MARCHF1: variants seen among roughly 807,000 people sequenced by gnomAD.
MARCHF1 encodes the protein E3 ubiquitin-protein ligase MARCHF1.
Under a neutral mutation model 54.2 loss-of-function variants are expected in MARCHF1, and 40 were observed. The ratio of observed to expected loss-of-function variants is 0.74; its 90% CI spans 0.57 to 0.96. The LOEUF (loss-of-function observed/expected upper bound fraction) is 0.96, where lower values mean the gene tolerates loss of function less well. MARCHF1 is among the 40% of genes least tolerant of loss of function. The pLI, the probability that MARCHF1 is intolerant of heterozygous loss-of-function variation, is 0.00. For synonymous variants in MARCHF1, 236 were observed against 236.3 expected (o/e 1.00, Z 0.01); for missense variants, 586 against 656.5 (o/e 0.89, Z 1.17).
intron 4 of MARCHF1, among the ~76,000 whole-genome samples, chr4:163,735,452 G>A (rs141618419): frequency 6.6e-6 from 1 of 152,128 alleles, no homozygotes; most frequent in East Asian, 1.9e-4. Context: ...GTCTTAGTTG[G>A]TTTGTGTTGC....
rs1267038404 is a variant in MARCHF1 at position 163,573,502 on chromosome 4, C to T, written c.1191+12247G>A. On this transcript the variant is annotated intron_variant, in intron 8 of 9. Coordinates refer to ENST00000514618, the MANE Select transcript of MARCHF1 (RefSeq NM_001394959.1). ...AACAGTCCCCAGAGTGTGATGTTCC[C>T]CTTCCTGTGTCCATGTGATCTCATT... is the stretch of plus-strand genomic sequence containing the variant. Among the ~76,000 whole-genome samples the T allele has an allele frequency of 5.2e-5, 7 of 134,826 alleles. No individual in the cohort carries two copies. In the South Asian group the frequency reaches 1.8e-3, roughly 35 times the overall value. 88.5% of individuals were successfully genotyped at this position (134,826 alleles called of 152,430 possible). A position where few individuals can be genotyped will look rare whatever the true frequency, so the allele number is the denominator to read the frequency against.
intron 7 of MARCHF1, among the ~76,000 whole-genome samples, chr4:163,600,393 G>T (rs928327597): frequency 2.0e-5 from 3 of 152,096 alleles, no homozygotes; most frequent in African/African-American, 4.8e-5. Flanking sequence ...AATCCTGGCA[G>T]CATTAAAAAC....
intron 4 of MARCHF1, among the ~76,000 whole-genome samples, chr4:163,708,171 T>C (rs763411053): frequency 6.6e-6 from 1 of 151,776 alleles, no homozygotes; most frequent in East Asian, 1.9e-4. Context: ...TTGTACTCTT[T>C]TGAAGACCAG....
chr4:164,324,542 T>G (rs1260959513), intron 1 of MARCHF1, among the ~76,000 whole-genome samples: 1 of 151,534 alleles, frequency 6.6e-6, no homozygotes, highest in Non-Finnish European at 1.5e-5. Flanking sequence ...TAAAAATCTC[T>G]ATACTCAATG....
chr4:164,360,439 G>T (rs532840531), intron 1 of MARCHF1, among the ~76,000 whole-genome samples: 1 of 151,976 alleles, frequency 6.6e-6, no homozygotes, highest in Non-Finnish European at 1.5e-5. Context: ...AGGGAGAAGT[G>T]GTTGGGAGAA....
At chr4:164,352,645 C>G (rs1036155732) in intron 1 of MARCHF1, among the ~76,000 whole-genome samples, 1 of 150,516 alleles carries the variant, frequency 6.6e-6, no homozygotes, top group Admixed American at 6.6e-5. Context: ...CGGTACCAGC[C>G]GCTGCAAAAT....
rs1459414749 is a variant in MARCHF1 at position 164,326,991 on chromosome 4, GTGTGTGTGTA to G, written c.-323+56869_-323+56878del. 3.3e-3 allele frequency among the ~76,000 whole-genome samples: 500 copies of G among 151,560 alleles called. 5 individuals carry two copies. The highest frequency in any genetic ancestry group is 0.012 in the African/African-American group (478 of 41,292). On this transcript the variant is annotated intron_variant, in intron 1 of 9. Coordinates refer to ENST00000514618, the MANE Select transcript of MARCHF1 (RefSeq NM_001394959.1). ...TGTGTGTGTGTGTGTGTGTGTGTGT[GTGTGTGTGTA>G]TGACTTAGAACAATCACTGGCAACA...
chr4:163,629,185 CATGGT>C (rs1741980218), intron 5 of MARCHF1, among the ~76,000 whole-genome samples: 1 of 152,164 alleles, frequency 6.6e-6, no homozygotes, highest in East Asian at 1.9e-4. Context: ...ACCAAAACAG[CATGGT>C]ACTGGTACCA....
chr4:164,303,763 A>G (rs1734625788), intron 1 of MARCHF1, among the ~76,000 whole-genome samples: 1 of 151,672 alleles, frequency 6.6e-6, no homozygotes, highest in Non-Finnish European at 1.5e-5. Flanking sequence ...CAACACATAC[A>G]CACATGCGTG....
intron 3 of MARCHF1, among the ~76,000 whole-genome samples, chr4:163,975,190 TCTCTCTCACACACA>T (rs1471295705): frequency 2.5e-4 from 30 of 120,434 alleles, no homozygotes; most frequent in East Asian, 9.0e-4. Context: ...TCTCTCTCTC[TCTCTCTCACACACA>T]CACACACACA....
intron 2 of MARCHF1, among the ~76,000 whole-genome samples, chr4:164,109,554 A>G (rs955461686): frequency 2.0e-5 from 3 of 151,862 alleles, no homozygotes; most frequent in East Asian, 1.9e-4. Flanking sequence ...TTTCAGAGAC[A>G]TGATTACTGA....
intron 1 of MARCHF1, among the ~76,000 whole-genome samples, chr4:164,200,890 A>C (rs921527083): frequency 6.6e-6 from 1 of 152,170 alleles, no homozygotes; most frequent in Non-Finnish European, 1.5e-5. Context: ...GCTAAGATCT[A>C]GTAAGGATCT....
intron 1 of MARCHF1, among the ~76,000 whole-genome samples, chr4:164,340,841 A>G (rs1729905266): frequency 6.6e-6 from 1 of 151,142 alleles, no homozygotes; most frequent in Non-Finnish European, 1.5e-5. Context: ...TACAGGTGTG[A>G]GCCACTGTGC....
At chr4:163,669,903 T>C (rs1743673215) in intron 5 of MARCHF1, among the ~76,000 whole-genome samples, 1 of 152,072 alleles carries the variant, frequency 6.6e-6, no homozygotes, top group Non-Finnish European at 1.5e-5. Context: ...CGGCCTGAGA[T>C]GTTTATCTTC....
At chr4:164,153,300 C>T (rs116806877) in intron 1 of MARCHF1, among the ~76,000 whole-genome samples, 2,172 of 152,108 alleles carry the variant, frequency 0.014, 21 homozygotes, top group Non-Finnish European at 0.026. Flanking sequence ...CTCTTTTTAT[C>T]GACTTAAAAA....
At chr4:164,031,432 T>C (rs372102074) in intron 2 of MARCHF1, among the ~76,000 whole-genome samples, 10 of 95,374 alleles carry the variant, frequency 1.0e-4, no homozygotes, top group East Asian at 2.7e-4. Flanking sequence ...TATTTTTTTT[T>C]CAAAAAAACC....
chr4:164,295,815 G>C (rs4611882), intron 1 of MARCHF1, among the ~76,000 whole-genome samples: 85,516 of 151,962 alleles, frequency 0.56, 26,035 homozygotes, highest in Non-Finnish European at 0.7. Flanking sequence ...TTAAAGAAAT[G>C]GAAGAAGATA....
At chr4:163,699,189 C>G (rs1744727723) in intron 5 of MARCHF1, among the ~76,000 whole-genome samples, 1 of 152,150 alleles carries the variant, frequency 6.6e-6, no homozygotes, top group Non-Finnish European at 1.5e-5. Flanking sequence ...ATGTTCACTA[C>G]CAAGCACTGA....
intron 1 of MARCHF1, among the ~76,000 whole-genome samples, chr4:164,359,585 A>G (rs1220359846): frequency 6.6e-6 from 1 of 152,192 alleles, no homozygotes; most frequent in East Asian, 1.9e-4. Flanking sequence ...CATTTTAATC[A>G]ACTACAACAG....
Sources: allele counts gnomAD v4.1 joint callset (sites outside exome capture counted in the v4.1 genomes callset), GRCh38; gene constraint gnomAD v4.1.1; transcripts MANE v1.5; gene names NCBI Gene and HGNC (gene_info 2026-07-23, HGNC 2026-07-21).